The following MYT1L variants were observed in gnomAD, a reference collection of about 807,000 sequenced individuals.
The protein encoded by MYT1L is myelin transcription factor 1 like.
A neutral mutation model predicts 126.7 loss-of-function variants in MYT1L; 12 were observed. That is an observed-to-expected ratio of 0.09 (90% CI 0.06 to 0.15). The LOEUF is 0.15. Among genes scored for constraint, MYT1L ranks in the 10% least tolerant of loss-of-function variants. MYT1L has a pLI of 1.00. For missense variants in MYT1L, 979 were observed against 1,585.2 expected (o/e 0.62, Z 6.49); for synonymous variants, 541 against 604.2 (o/e 0.90, Z 1.53).
chr2:1,803,943 C>T (rs1014572552), intron 22 of MYT1L, among the ~76,000 whole-genome samples: 3 of 152,170 alleles, frequency 2.0e-5, no homozygotes, highest in Admixed American at 6.5e-5. Context: ...CCCCCAGGCA[C>T]GTGCGCCTCG....
rs1335007340 is a variant in MYT1L, at chr2:1,929,981, C to T, written c.506-6718G>A. Among the ~76,000 whole-genome samples, 1 of 152,170 alleles carries T rather than the reference C, an allele frequency of 6.6e-6. No individual in the cohort carries two copies. The highest frequency in any genetic ancestry group is 1.5e-5 in the Non-Finnish European group (1 of 68,044). On this transcript the variant is annotated intron_variant, in intron 9 of 24. Coordinates refer to ENST00000647738, the MANE Select transcript of MYT1L (RefSeq NM_001303052.2). This position sits in a 1 kb window ranked among gnomAD's most constrained non-coding sequence, Gnocchi z 4.7. ...TAATTTTCTGAGACATAGGAAGATC[C>T]GTGTTTAGCAGGCATTCATCTGCTT...
chr2:1,874,839 C>T (rs547286920), intron 18 of MYT1L, among the ~76,000 whole-genome samples: 138 of 152,290 alleles, frequency 9.1e-4, no homozygotes, highest in African/African-American at 2.9e-3. Flanking sequence ...CCTAGGGCAA[C>T]GGGATTTTCA....
chr2:2,069,898 C>T lies in MYT1L; in HGVS notation c.-303-15775G>A, dbSNP rs1355910742. Among the ~76,000 whole-genome samples the T allele has an allele frequency of 5.3e-5, 8 of 149,666 alleles. No homozygotes were observed. The East Asian group carries it at 6.3e-4, about 12-fold the overall frequency. On this transcript the variant is annotated intron_variant, in intron 3 of 24. Coordinates refer to ENST00000647738, the MANE Select transcript of MYT1L (RefSeq NM_001303052.2). Reference sequence around the variant, plus strand: ...TTGAAAAGCGTCTGTTCATATCCTTCGCCCACTTTTTGATGGGGTTGTTTT... The same window carrying T: ...TTGAAAAGCGTCTGTTCATATCCTTTGCCCACTTTTTGATGGGGTTGTTTT...
At chr2:1,827,499 C>T (rs1371069384) in intron 21 of MYT1L, 13 of 152,218 alleles carry the variant, frequency 8.5e-5, no homozygotes, top group Admixed American at 8.5e-4. Flanking sequence ...GAGGGGACCT[C>T]TCTGGTTGGG....
At chr2:1,981,485 T>C (rs1397246234) in intron 5 of MYT1L, among the ~76,000 whole-genome samples, 1 of 152,070 alleles carries the variant, frequency 6.6e-6, no homozygotes, top group Non-Finnish European at 1.5e-5. Context: ...TGATATGCAG[T>C]TATTGAGTGA....
chr2:2,158,717 C>T lies in MYT1L; in HGVS notation c.-304+14155G>A, dbSNP rs943747696. Among the ~76,000 whole-genome samples, 6 of 151,922 alleles carry T rather than the reference C, an allele frequency of 3.9e-5. 1 individual carries two copies. The highest frequency in any genetic ancestry group is 1.5e-4 in the African/African-American group (6 of 41,360). ...AAACATTCAAGTACACACACACACA[C>T]ACACACACACACTTGAAATTGGATA... On this transcript the variant is annotated intron_variant, in intron 3 of 24. Coordinates refer to ENST00000647738, the MANE Select transcript of MYT1L (RefSeq NM_001303052.2).
chr2:2,186,629 C>T (rs946777736), intron 2 of MYT1L, among the ~76,000 whole-genome samples: 2 of 152,128 alleles, frequency 1.3e-5, no homozygotes, highest in Non-Finnish European at 2.9e-5. Flanking sequence ...TCCCATGTCC[C>T]GCCACTCCCT....
intron 2 of MYT1L, among the ~76,000 whole-genome samples, chr2:2,187,191 A>G (rs1229140382): frequency 6.6e-6 from 1 of 151,912 alleles, no homozygotes. Flanking sequence ...GGCCTTTCCT[A>G]AATCTGCCTT....
intron 1 of MYT1L, among the ~76,000 whole-genome samples, chr2:2,292,590 G>C (rs1006691661): frequency 6.6e-6 from 1 of 152,122 alleles, no homozygotes; most frequent in African/African-American, 2.4e-5. Context: ...GGCTCAGCGC[G>C]GGGCCCTGCC....
At chr2:2,123,376 G>C (rs112763736) in intron 3 of MYT1L, among the ~76,000 whole-genome samples, 1 of 152,142 alleles carries the variant, frequency 6.6e-6, no homozygotes, top group African/African-American at 2.4e-5. Flanking sequence ...GTTAAAGTCC[G>C]CAGATGGGAA....
chr2:2,209,024 A>ACACACC (rs1553562673), intron 2 of MYT1L, among the ~76,000 whole-genome samples: 36 of 150,414 alleles, frequency 2.4e-4, no homozygotes, highest in African/African-American at 8.3e-4. Context: ...ACACACACAC[A>ACACACC]CCCCAAATAG....
At chr2:2,005,417 T>A (rs1242548720) in intron 4 of MYT1L, among the ~76,000 whole-genome samples, 1 of 148,296 alleles carries the variant, frequency 6.7e-6, no homozygotes, top group Non-Finnish European at 1.5e-5. Context: ...TCTTTCCTCA[T>A]GCGTTCTTTC....
chr2:2,331,190 C>G lies in MYT1L; in HGVS notation c.-744G>C, dbSNP rs2096282058. Reference sequence around the variant, plus strand: ...AGGGAATGAAAAAATTAAAATGCACCCACCAACAATGAGCAAAAAACCCGG... The same window carrying G: ...AGGGAATGAAAAAATTAAAATGCACGCACCAACAATGAGCAAAAAACCCGG... On this transcript the variant is annotated 5_prime_UTR_variant, in exon 1 of 25. Transcript: ENST00000647738. The G allele has an allele frequency of 1.3e-5, 2 of 151,864 alleles. No individual in the cohort carries two copies. Among genetic ancestry groups the G allele is most frequent in the Admixed American group, 1.3e-4 (2 of 15,254 alleles). 9.4% of individuals were successfully genotyped at this position (151,864 alleles called of 1,614,324 possible).
intron 2 of MYT1L, among the ~76,000 whole-genome samples, chr2:2,276,502 G>C (rs1018548796): frequency 6.6e-6 from 1 of 152,154 alleles, no homozygotes; most frequent in East Asian, 1.9e-4. Context: ...GCTGGGGAAC[G>C]GGGAGGGCTA....
chr2:2,297,354 G>T (rs78043822), intron 1 of MYT1L, among the ~76,000 whole-genome samples: 1 of 152,192 alleles, frequency 6.6e-6, no homozygotes, highest in Non-Finnish European at 1.5e-5. Flanking sequence ...ACAGGGGACC[G>T]TGTGTGGGGT....
At chr2:1,975,244 GACTGCCAGATCCC>G (rs1206491665) in intron 8 of MYT1L, among the ~76,000 whole-genome samples, 2 of 60,354 alleles carry the variant, frequency 3.3e-5, no homozygotes, top group African/African-American at 1.9e-4. Flanking sequence ...TCACCAAACA[GACTGCCAGATCCC>G]ACTGCCAGAT....
chr2:1,919,535 TG>T (rs1305570517), intron 10 of MYT1L, among the ~76,000 whole-genome samples: 1 of 152,120 alleles, frequency 6.6e-6, no homozygotes, highest in African/African-American at 2.4e-5. Flanking sequence ...ATTTTGGAAA[TG>T]TTACTCGTTG....
At chr2:2,256,542 A>T (rs892657489) in intron 2 of MYT1L, among the ~76,000 whole-genome samples, 1 of 152,216 alleles carries the variant, frequency 6.6e-6, no homozygotes, top group African/African-American at 2.4e-5. Context: ...CCTTTTAAGG[A>T]TAAAGTTTGT....
At chr2:1,988,796 T>G (rs963602765) in intron 5 of MYT1L, among the ~76,000 whole-genome samples, 1 of 152,226 alleles carries the variant, frequency 6.6e-6, no homozygotes, top group Non-Finnish European at 1.5e-5. Context: ...CCCAAAGTGC[T>G]GTGATTACAG....
Sources: allele counts gnomAD v4.1 joint callset (sites outside exome capture counted in the v4.1 genomes callset), GRCh38; gene constraint gnomAD v4.1.1; non-coding constraint Gnocchi (gnomAD v3.1); transcripts MANE v1.5; gene names NCBI Gene and HGNC (gene_info 2026-07-23, HGNC 2026-07-21).